Variants in KHDRBS2 observed in about 807,000 individuals in gnomAD.
KHDRBS2 encodes KH RNA binding domain containing, signal transduction associated 2.
In KHDRBS2, 26 loss-of-function variants were observed where a neutral mutation model predicts 44.3. The ratio of observed to expected loss-of-function variants is 0.59; its 90% confidence interval spans 0.43 to 0.81. The LOEUF (loss-of-function observed/expected upper bound fraction) is 0.81. Among genes scored for constraint, KHDRBS2 ranks in the 40% least tolerant of loss-of-function variants. The pLI is 0.00. For missense variants in KHDRBS2, 476 were observed against 433.1 expected (o/e 1.10, Z -0.88); for synonymous variants, 194 against 151.1 (o/e 1.28, Z -2.08).
At chr6:61,690,045 T>A (rs1449849288) in intron 8 of KHDRBS2, among the ~76,000 whole-genome samples, 1 of 152,036 alleles carries the variant, frequency 6.6e-6, no homozygotes, top group South Asian at 2.1e-4. Flanking sequence ...TAAATTATGA[T>A]GCTTGATAAA....
the KHDRBS2 span, among the ~76,000 whole-genome samples, chr6:61,545,058 T>C: frequency 6.6e-6 from 1 of 152,052 alleles, no homozygotes; most frequent in Non-Finnish European, 1.5e-5. Flanking sequence ...TGGGCACATG[T>C]ACCCTAAAAC....
At chr6:61,618,090 TTTGTTGTTG>T in the KHDRBS2 span, among the ~76,000 whole-genome samples, 4 of 152,154 alleles carry the variant, frequency 2.6e-5, no homozygotes, top group South Asian at 4.1e-4. Flanking sequence ...AAGCAATGTT[TTTGTTGTTG>T]TTGTTGTTGT....
At chr6:61,831,013 G>A (rs555629760) in intron 6 of KHDRBS2, among the ~76,000 whole-genome samples, 52 of 152,134 alleles carry the variant, frequency 3.4e-4, no homozygotes, top group Admixed American at 1.3e-3. Context: ...AAAAAAGTCC[G>A]AAAATTTGAG....
At chr6:61,861,703 T>G (rs1025969062) in intron 6 of KHDRBS2, among the ~76,000 whole-genome samples, 1 of 152,068 alleles carries the variant, frequency 6.6e-6, no homozygotes, top group Non-Finnish European at 1.5e-5. Flanking sequence ...CAGGCTCTTT[T>G]GGAGTTCCAT....
intron 2 of KHDRBS2, among the ~76,000 whole-genome samples, chr6:62,106,952 A>G (rs1429590691): frequency 1.3e-5 from 2 of 152,222 alleles, no homozygotes; most frequent in Non-Finnish European, 1.5e-5. Context: ...TCAAAATAAT[A>G]AGAGCCATCT....
intron 2 of KHDRBS2, among the ~76,000 whole-genome samples, chr6:62,100,444 G>A (rs1347145560): frequency 6.6e-6 from 1 of 152,178 alleles, no homozygotes; most frequent in Non-Finnish European, 1.5e-5. Context: ...TTCAAAAGAA[G>A]TTTTACTGTG....
chr6:62,231,322 G>A (rs908437780), intron 1 of KHDRBS2, among the ~76,000 whole-genome samples: 1 of 152,174 alleles, frequency 6.6e-6, no homozygotes, highest in Admixed American at 6.5e-5. Flanking sequence ...GAAGGCGAAG[G>A]AGAAGCAAGG....
chr6:61,891,470 C>G (rs1346489623), intron 6 of KHDRBS2, among the ~76,000 whole-genome samples: 1 of 152,116 alleles, frequency 6.6e-6, no homozygotes, highest in Non-Finnish European at 1.5e-5. Context: ...GAAGGATTCC[C>G]TCTTTTTCTA....
At chr6:61,867,643 T>C (rs1797979822) in intron 6 of KHDRBS2, among the ~76,000 whole-genome samples, 1 of 152,176 alleles carries the variant, frequency 6.6e-6, no homozygotes, top group African/African-American at 2.4e-5. Flanking sequence ...TTTGTTTGCT[T>C]GTTTGCTTGT....
At chr6:61,642,545 C>T in the KHDRBS2 span, among the ~76,000 whole-genome samples, 2 of 150,618 alleles carry the variant, frequency 1.3e-5, no homozygotes, top group South Asian at 4.2e-4. Flanking sequence ...GCCTGTGGTC[C>T]CAGCTACTGG....
chr6:61,828,732 C>A (rs764642021), intron 6 of KHDRBS2, among the ~76,000 whole-genome samples: 2 of 152,200 alleles, frequency 1.3e-5, no homozygotes, highest in Non-Finnish European at 2.9e-5. Flanking sequence ...ATTTATCACA[C>A]TAAACATTTG....
intron 2 of KHDRBS2, among the ~76,000 whole-genome samples, chr6:62,065,346 C>T (rs974989540): frequency 2.2e-4 from 33 of 151,740 alleles, no homozygotes; most frequent in East Asian, 1.6e-3. Flanking sequence ...ATGTTTATTG[C>T]GGCATTATTC....
intron 3 of KHDRBS2, among the ~76,000 whole-genome samples, chr6:61,988,355 C>A (rs1775465146): frequency 6.6e-6 from 1 of 152,136 alleles, no homozygotes; most frequent in Non-Finnish European, 1.5e-5. Flanking sequence ...TTTCAGTTGC[C>A]TATTAATTAG....
At chr6:61,863,287 C>A (rs1952024946) in intron 6 of KHDRBS2, among the ~76,000 whole-genome samples, 2 of 139,630 alleles carry the variant, frequency 1.4e-5, no homozygotes, top group Non-Finnish European at 3.1e-5. Flanking sequence ...CTTTCAATCT[C>A]CTTCAGTTCA....
chr6:62,061,881 T>A (rs1305579097), intron 2 of KHDRBS2, among the ~76,000 whole-genome samples: 1 of 151,246 alleles, frequency 6.6e-6, no homozygotes, highest in Admixed American at 6.6e-5. Flanking sequence ...TTCTTTTTAT[T>A]CTTTTTTCTC....
At chr6:61,660,641 A>G in the KHDRBS2 span, among the ~76,000 whole-genome samples, 1 of 151,832 alleles carries the variant, frequency 6.6e-6, no homozygotes, top group Non-Finnish European at 1.5e-5. Context: ...ACAAATTAGA[A>G]TTAAAGGAAG....
chr6:62,222,171 C>T lies in KHDRBS2; in HGVS notation c.92-44859G>A, dbSNP rs537112941. ...AGAAAGGGATTAGGTGTGCCTCTCA[C>T]GCCTTAGTATTTTGCATGAATACTG... On this transcript the variant is annotated intron_variant, in intron 1 of 8. Coordinates refer to ENST00000281156, the MANE Select transcript of KHDRBS2 (RefSeq NM_152688.4). Among the ~76,000 whole-genome samples the T allele has an allele frequency of 1.1e-4, 17 of 151,994 alleles. No homozygotes were observed. The South Asian group carries it at 1.2e-3, about 11-fold the overall frequency.
chr6:61,781,307 C>T (rs1254482952), intron 6 of KHDRBS2, among the ~76,000 whole-genome samples: 1 of 152,036 alleles, frequency 6.6e-6, no homozygotes, highest in Non-Finnish European at 1.5e-5. Context: ...AAAGTTAAAA[C>T]TGGTAAAATG....
intron 2 of KHDRBS2, among the ~76,000 whole-genome samples, chr6:62,166,184 A>G (rs551764225): frequency 6.6e-6 from 1 of 152,180 alleles, no homozygotes; most frequent in South Asian, 2.1e-4. Flanking sequence ...ATAACATTCC[A>G]TTATATGTGT....
Sources: gnomAD v4.1 joint callset for allele counts (sites outside exome capture counted in the v4.1 genomes callset) on GRCh38, gnomAD v4.1.1 for gene constraint, MANE v1.5 for transcripts, NCBI Gene and HGNC (gene_info 2026-07-23, HGNC 2026-07-21) for gene names.